The following MTFR1 variants were observed in gnomAD, a reference collection of about 807,000 sequenced individuals.
MTFR1 encodes the protein mitochondrial fission regulator 1, also known as chondrocyte protein with a poly-proline region.
Under a neutral mutation model 38.8 loss-of-function variants are expected in MTFR1, and 28 were observed. That is an observed-to-expected ratio of 0.72 (90% confidence interval 0.53 to 0.99). The LOEUF is 0.99. Among genes scored for constraint, MTFR1 ranks in the 50% least tolerant of loss-of-function variants. The pLI, the probability that MTFR1 is intolerant of heterozygous loss-of-function variation, is 0.00. For synonymous variants in MTFR1, 145 were observed against 137.0 expected, an observed-to-expected ratio of 1.06 and a Z score of -0.41; for missense variants, 358 against 395.5, an observed-to-expected ratio of 0.91 and a Z score of 0.81.
chr8:65,663,646 C>T (rs1804278368), intron 1 of MTFR1, among the ~76,000 whole-genome samples: 1 of 150,468 alleles, frequency 6.6e-6, no homozygotes, highest in Non-Finnish European at 1.5e-5. Flanking sequence ...AAAGTACTAA[C>T]AATACCAATT....
chr8:65,776,870 G>T, the MTFR1 span, among the ~76,000 whole-genome samples: 6 of 151,920 alleles, frequency 3.9e-5, no homozygotes, highest in East Asian at 9.7e-4. Context: ...TACTATACTG[G>T]CCAGAACCTC....
intron 4 of MTFR1, among the ~76,000 whole-genome samples, chr8:65,700,379 C>CA (rs893003897): frequency 1.5e-5 from 2 of 133,590 alleles, no homozygotes; most frequent in Non-Finnish European, 3.3e-5. Context: ...AAAAAGAAAA[C>CA]AAAAAAAAGG....
downstream of MTFR1, among the ~76,000 whole-genome samples, chr8:65,713,330 A>G (rs1031152916): frequency 2.6e-5 from 4 of 151,658 alleles, no homozygotes; most frequent in Non-Finnish European, 5.9e-5. Flanking sequence ...AATCCCAACT[A>G]CTCGGGAGGC....
intron 3 of MTFR1, among the ~76,000 whole-genome samples, chr8:65,690,363 C>T (rs939455409): frequency 1.3e-5 from 2 of 151,786 alleles, no homozygotes; most frequent in Non-Finnish European, 2.9e-5. Context: ...GGCGATACCC[C>T]CCATCTCTAC....
intron 1 of MTFR1, among the ~76,000 whole-genome samples, chr8:65,666,293 GC>G (rs1804380624): frequency 6.9e-6 from 1 of 145,196 alleles, no homozygotes; most frequent in South Asian, 2.1e-4. Context: ...TGTAATCCCA[GC>G]TCTCAGGAGG....
intron 3 of MTFR1, among the ~76,000 whole-genome samples, chr8:65,748,490 C>T (rs1023439024): frequency 1.3e-5 from 2 of 152,092 alleles, no homozygotes; most frequent in African/African-American, 4.8e-5. Flanking sequence ...TAGAATAAAC[C>T]AGAGTTCCCT....
At chr8:65,734,092 G>C (rs553365079) in intron 3 of MTFR1, among the ~76,000 whole-genome samples, 1 of 152,172 alleles carries the variant, frequency 6.6e-6, no homozygotes, top group East Asian at 1.9e-4. Context: ...CTCTATATTA[G>C]GATGTCAAAT....
intron 3 of MTFR1, among the ~76,000 whole-genome samples, chr8:65,758,112 AGTGCCTTTTCCT>A (rs955971273): frequency 6.6e-6 from 1 of 152,180 alleles, no homozygotes; most frequent in Non-Finnish European, 1.5e-5. Flanking sequence ...TAGTCTAGCA[AGTGCCTTTTCCT>A]GTGTCCATTC....
intron 3 of MTFR1, among the ~76,000 whole-genome samples, chr8:65,740,934 C>T (rs1585853843): frequency 6.6e-6 from 1 of 152,126 alleles, no homozygotes; most frequent in African/African-American, 2.4e-5. Context: ...CCTACAGAGC[C>T]GAGTTTTTGG....
At chr8:65,776,180 T>C (rs1160387031), downstream of MTFR1, among the ~76,000 whole-genome samples, 1 of 152,204 alleles carries the variant, frequency 6.6e-6, no homozygotes, top group Admixed American at 6.5e-5. Context: ...CAAGATTCAC[T>C]TGATTTAGTG....
intron 3 of MTFR1, among the ~76,000 whole-genome samples, chr8:65,761,061 T>C (rs1432026975): frequency 1.3e-5 from 2 of 152,088 alleles, no homozygotes; most frequent in African/African-American, 4.8e-5. Flanking sequence ...AATATTGTTT[T>C]TTCTTTTTTT....
chr8:65,658,624 A>C (rs1237856757), intron 1 of MTFR1, among the ~76,000 whole-genome samples: 1 of 152,064 alleles, frequency 6.6e-6, no homozygotes, highest in East Asian at 1.9e-4. Flanking sequence ...ATGCACATAT[A>C]CACACACACA....
At chr8:65,724,936 A>G (rs765447167) in intron 3 of MTFR1, 24 of 1,551,988 alleles carry the variant, frequency 1.5e-5, no homozygotes, top group Non-Finnish European at 2.1e-5. Context: ...AAATAGAGAA[A>G]TATAAAGAGA....
At chr8:65,719,529 T>A in intron 3 of MTFR1, 1 of 1,363,736 alleles carries the variant, frequency 7.3e-7, no homozygotes, top group Non-Finnish European at 1.0e-6. Context: ...TATTAACATA[T>A]ATGCTGAAAC....
At chr8:65,644,730 A>G (rs573377641), upstream of MTFR1, 7 of 152,490 alleles carry the variant, frequency 4.6e-5, 1 homozygote, top group African/African-American at 1.4e-4. Context: ...GCCACGGGAC[A>G]GCCAAGCTAG....
At chr8:65,670,287 A>C (rs1425261216) in intron 2 of MTFR1, among the ~76,000 whole-genome samples, 6 of 152,200 alleles carry the variant, frequency 3.9e-5, no homozygotes, top group Non-Finnish European at 7.3e-5. Flanking sequence ...GAAAAGGCTT[A>C]AATAAGCAGA....
intron 4 of MTFR1, among the ~76,000 whole-genome samples, chr8:65,697,734 CTGGCAGT>C (rs1189470481): frequency 6.6e-6 from 1 of 152,210 alleles, no homozygotes; most frequent in Non-Finnish European, 1.5e-5. Context: ...TCATATCCCT[CTGGCAGT>C]ATATGGCTAA....
At chr8:65,715,020 C>G (rs753961029), downstream of MTFR1, among the ~76,000 whole-genome samples, 160 of 152,034 alleles carry the variant, frequency 1.1e-3, no homozygotes, top group Non-Finnish European at 1.4e-3. Context: ...CTCCAAGGAC[C>G]TTTTACTCCT....
chr8:65,777,149 G>A, the MTFR1 span, among the ~76,000 whole-genome samples: 1 of 143,714 alleles, frequency 7.0e-6, no homozygotes, highest in Non-Finnish European at 1.5e-5. Flanking sequence ...ATGCAATCCT[G>A]GCTAACCGCA....
Sources: allele counts gnomAD v4.1 joint callset (sites outside exome capture counted in the v4.1 genomes callset), GRCh38; gene constraint gnomAD v4.1.1; transcripts MANE v1.5; gene names NCBI Gene and HGNC (gene_info 2026-07-23, HGNC 2026-07-21).